CCDC91: variants seen among roughly 807,000 people sequenced by gnomAD.
The protein encoded by CCDC91 is coiled-coil domain-containing protein 91.
In CCDC91, 48 loss-of-function variants were observed where a neutral mutation model predicts 63.2. The ratio of observed to expected loss-of-function variants is 0.76; its 90% CI spans 0.60 to 0.97. CCDC91 has a LOEUF of 0.97. CCDC91 is among the 50% of genes least tolerant of loss of function. The pLI is 0.00. For missense variants in CCDC91, 500 were observed against 494.6 expected, an observed-to-expected ratio of 1.01 and a Z score of -0.10; for synonymous variants, 167 against 165.8, an observed-to-expected ratio of 1.01 and a Z score of -0.06.
At chr12:28,325,884 T>TA (rs1940948451) in intron 6 of CCDC91, among the ~76,000 whole-genome samples, 1 of 152,066 alleles carries the variant, frequency 6.6e-6, no homozygotes, top group African/African-American at 2.4e-5. Flanking sequence ...TTTTATATTT[T>TA]AAAAAATGTA....
chr12:28,539,367 G>C (rs1249164545), intron 12 of CCDC91, among the ~76,000 whole-genome samples: 16 of 152,114 alleles, frequency 1.1e-4, no homozygotes, highest in South Asian at 2.1e-4. Context: ...ATAGGGAATC[G>C]TTTCCCCATT....
intron 12 of CCDC91, among the ~76,000 whole-genome samples, chr12:28,485,114 A>T (rs1342933628): frequency 2.0e-5 from 3 of 151,874 alleles, no homozygotes; most frequent in Admixed American, 2.0e-4. Flanking sequence ...TGGCAGTTCA[A>T]GAAGTGCACT....
At chr12:28,394,733 C>CTCTCTCTCTCTCTCTCTCTCTCTCTCTCA (rs1946185242) in intron 8 of CCDC91, among the ~76,000 whole-genome samples, 2 of 98,058 alleles carry the variant, frequency 2.0e-5, no homozygotes, top group East Asian at 2.1e-4. Context: ...TCTCTCTCTC[C>CTCTCTCTCTCTCTCTCTCTCTCTCTCTCA]CCCTTTTTCA....
chr12:28,338,701 C>G (rs1375143573), intron 6 of CCDC91, among the ~76,000 whole-genome samples: 5 of 151,798 alleles, frequency 3.3e-5, no homozygotes, highest in Admixed American at 6.6e-5. Context: ...GGGGAAAATA[C>G]ACTGTATAGG....
At chr12:28,474,891 G>A (rs1951004320) in intron 11 of CCDC91, among the ~76,000 whole-genome samples, 1 of 151,994 alleles carries the variant, frequency 6.6e-6, no homozygotes, top group African/African-American at 2.4e-5. Flanking sequence ...TCACCTACAT[G>A]GAAACTGAAC....
chr12:28,288,292 A>G (rs887590133), intron 3 of CCDC91, among the ~76,000 whole-genome samples: 4 of 152,100 alleles, frequency 2.6e-5, no homozygotes, highest in African/African-American at 9.7e-5. Flanking sequence ...ATTTCAAGGG[A>G]AATGCTTTCA....
intron 6 of CCDC91, among the ~76,000 whole-genome samples, chr12:28,359,109 T>A (rs1943710936): frequency 6.6e-6 from 1 of 152,184 alleles, no homozygotes; most frequent in South Asian, 2.1e-4. Flanking sequence ...TTGGCTAGGC[T>A]GGTCTCGAAC....
intron 12 of CCDC91, among the ~76,000 whole-genome samples, chr12:28,539,863 C>T (rs1942498192): frequency 6.6e-6 from 1 of 152,008 alleles, no homozygotes; most frequent in African/African-American, 2.4e-5. Flanking sequence ...TTTAAGACTT[C>T]AGTGATTCAT....
intron 12 of CCDC91, among the ~76,000 whole-genome samples, chr12:28,519,427 TG>T (rs1811316796): frequency 6.6e-6 from 1 of 151,974 alleles, no homozygotes; most frequent in African/African-American, 2.4e-5. Flanking sequence ...ATCTGGAAAC[TG>T]TTGACTTTTG....
chr12:28,310,673 C>T (rs1939232395), intron 6 of CCDC91, among the ~76,000 whole-genome samples: 1 of 152,004 alleles, frequency 6.6e-6, no homozygotes, highest in Admixed American at 6.6e-5. Context: ...ACCATACCAT[C>T]TCTGAGGAAA....
At chr12:28,415,030 T>C (rs1430543045) in intron 8 of CCDC91, among the ~76,000 whole-genome samples, 6 of 152,194 alleles carry the variant, frequency 3.9e-5, no homozygotes, top group Non-Finnish European at 8.8e-5. Context: ...AAAACACTTA[T>C]GCGGAGATAC....
Position 28,373,041 on chromosome 12 carries a change from A to T in CCDC91, c.654+10526A>T, listed in dbSNP as rs187016266. ...TTGTTGGGGTCCTTTAGTATTTATT[A>T]TAAGTTGTATCTCCTAACAATTAAT... On this transcript the variant is annotated intron_variant, in intron 7 of 12. Coordinates refer to ENST00000536442, the MANE Select transcript of CCDC91 (RefSeq NM_018318.5). Among the ~76,000 whole-genome samples, 226 of 152,248 alleles carry T rather than the reference A, an allele frequency of 1.5e-3. 1 individual carries two copies. Among genetic ancestry groups the T allele is most frequent in the African/African-American group, 5.2e-3 (218 of 41,562 alleles).
At chr12:28,511,739 G>T (rs1249344495) in intron 12 of CCDC91, among the ~76,000 whole-genome samples, 2 of 151,996 alleles carry the variant, frequency 1.3e-5, no homozygotes, top group African/African-American at 4.8e-5. Context: ...TCTGCACTGT[G>T]TCTGCGCACT....
intron 12 of CCDC91, among the ~76,000 whole-genome samples, chr12:28,504,340 T>A (rs1316366824): frequency 2.0e-5 from 3 of 152,048 alleles, no homozygotes; most frequent in South Asian, 2.1e-4. Context: ...GTTGCACAGA[T>A]TTTATTTATT....
intron 3 of CCDC91, among the ~76,000 whole-genome samples, chr12:28,293,922 TG>T (rs1949397415): frequency 6.6e-6 from 1 of 152,114 alleles, no homozygotes; most frequent in Non-Finnish European, 1.5e-5. Flanking sequence ...TATTTTTCAT[TG>T]TTTTTTTAAC....
chr12:28,484,044 AC>A lies in CCDC91; in HGVS notation c.1102-7del. The A allele has an allele frequency of 6.3e-7, 1 of 1,595,944 alleles. No individual in the cohort carries two copies. Among genetic ancestry groups the A allele is most frequent in the Middle Eastern group, 1.7e-4 (1 of 5,988 alleles). On this transcript the variant is annotated splice_region_variant and splice_polypyrimidine_tract_variant and intron_variant, in intron 11 of 12. Coordinates refer to ENST00000536442, the MANE Select transcript of CCDC91 (RefSeq NM_018318.5). The stretch of plus-strand genomic sequence containing the variant: ...CTCCCTGACTGTTTTGCCTTCTCCC[AC>A]AAACAGGAAACTGTTAAGGCAGCAA...
chr12:28,205,538 A>C (rs781563083), intron 1 of CCDC91, among the ~76,000 whole-genome samples: 3 of 152,194 alleles, frequency 2.0e-5, no homozygotes, highest in African/African-American at 4.8e-5. Context: ...CAAGTTGGGC[A>C]GCTCCCAGAA....
chr12:28,250,114 G>A (rs1004846009), intron 1 of CCDC91, among the ~76,000 whole-genome samples: 2 of 152,138 alleles, frequency 1.3e-5, no homozygotes, highest in Non-Finnish European at 1.5e-5. Context: ...GGAGTTGGAA[G>A]TTGAAGACTT....
At chr12:28,304,061 A>G (rs1368842153) in intron 3 of CCDC91, among the ~76,000 whole-genome samples, 2 of 151,926 alleles carry the variant, frequency 1.3e-5, no homozygotes, top group African/African-American at 2.4e-5. Context: ...TTAAAATTTC[A>G]CTTTTCTGTA....
Sources: gnomAD v4.1 joint callset for allele counts (sites outside exome capture counted in the v4.1 genomes callset) on GRCh38, gnomAD v4.1.1 for gene constraint, MANE v1.5 for transcripts, NCBI Gene and HGNC (gene_info 2026-07-23, HGNC 2026-07-21) for gene names.